The following AHI1 variants were observed in gnomAD, a reference collection of about 807,000 sequenced individuals.
The protein encoded by AHI1 is jouberin.
Under a neutral mutation model 149.3 loss-of-function variants are expected in AHI1, and 123 were observed. That is an observed-to-expected ratio of 0.82 (90% confidence interval 0.71 to 0.96). AHI1 has a LOEUF of 0.96. Among genes scored for constraint, AHI1 ranks in the 40% least tolerant of loss-of-function variants. The probability of loss-of-function intolerance (pLI) is 0.00; values close to 1 mark genes in which losing one functional copy is unlikely to be tolerated. For missense variants in AHI1, 1,439 were observed against 1,422.7 expected (o/e 1.01, Z -0.18); for synonymous variants, 475 against 459.8 (o/e 1.03, Z -0.42).
At chr6:135,285,725 C>T (rs900186828) in intron 28 of AHI1, 78 bp from the exon 29 acceptor site, 1 of 1,190,280 alleles carries the variant, frequency 8.4e-7, no homozygotes, top group Non-Finnish European at 1.2e-6. Flanking sequence ...TTAGTGTGCT[C>T]AGGCAACAGC....
intron 24 of AHI1, among the ~76,000 whole-genome samples, chr6:135,343,896 CT>C (rs1040448944): frequency 1.8e-4 from 28 of 151,982 alleles, no homozygotes; most frequent in African/African-American, 6.5e-4. Context: ...GTAAACTAAA[CT>C]TTATCAAAAT....
chr6:135,397,117 G>C (rs919628875), intron 22 of AHI1, among the ~76,000 whole-genome samples: 1 of 151,786 alleles, frequency 6.6e-6, no homozygotes, highest in Non-Finnish European at 1.5e-5. Flanking sequence ...AAAGTGATGA[G>C]AGCAGCAACG....
intron 23 of AHI1, among the ~76,000 whole-genome samples, chr6:135,388,475 C>T (rs1777939574): frequency 6.6e-6 from 1 of 152,136 alleles, no homozygotes; most frequent in African/African-American, 2.4e-5. Flanking sequence ...TAGATGTAAT[C>T]TACCTTCTAC....
chr6:135,302,054 T>C (rs1783942553), intron 26 of AHI1: 2 of 967,730 alleles, frequency 2.1e-6, no homozygotes, highest in Non-Finnish European at 1.2e-6. Context: ...TACAGTGGCA[T>C]GATCGTAGCT....
chr6:135,361,396 T>C (rs893590640), intron 23 of AHI1, among the ~76,000 whole-genome samples: 5 of 152,194 alleles, frequency 3.3e-5, no homozygotes, highest in African/African-American at 1.2e-4. Context: ...TTTTGTAGTG[T>C]AAGTCTGCTG....
intron 20 of AHI1, among the ~76,000 whole-genome samples, chr6:135,421,169 G>A (rs1783097304): frequency 6.6e-6 from 1 of 152,030 alleles, no homozygotes; most frequent in Non-Finnish European, 1.5e-5. Flanking sequence ...CAATTACAAT[G>A]TAACATCAAA....
intron 26 of AHI1, chr6:135,302,528 A>G (rs1264545206): frequency 9.7e-7 from 1 of 1,036,156 alleles, no homozygotes; most frequent in Non-Finnish European, 1.2e-6. Context: ...CATCTTTTCT[A>G]CTGTGTATTC....
At chr6:135,304,349 G>A (rs955173722) in intron 26 of AHI1, among the ~76,000 whole-genome samples, 3 of 152,126 alleles carry the variant, frequency 2.0e-5, no homozygotes, top group Admixed American at 6.5e-5. Flanking sequence ...CACTGGGCCC[G>A]GCCTGATTTC....
At chr6:135,301,744 A>C (rs1783904765) in intron 26 of AHI1, 1 of 985,322 alleles carries the variant, frequency 1.0e-6, no homozygotes, top group Admixed American at 6.1e-5. Context: ...AACCCATGAC[A>C]TCTTAATTTT....
At chr6:135,376,797 A>C (rs2128462742) in intron 23 of AHI1, among the ~76,000 whole-genome samples, 1 of 144,806 alleles carries the variant, frequency 6.9e-6, no homozygotes, top group Non-Finnish European at 1.5e-5. Context: ...CAGGAGAATC[A>C]CCTGAACCCG....
At position 135,429,937 on chromosome 6, in the gene AHI1, T is replaced by C; in HGVS notation, c.2437A>G (p.Lys813Glu). Reference sequence around the variant, plus strand: ...TCTTTGGTATGGATTAACAAACGTTTTCCATTGGGATGAATCTCCAAATAA... The same window carrying C: ...TCTTTGGTATGGATTAACAAACGTTCTCCATTGGGATGAATCTCCAAATAA... The part of the protein sequence containing the change: ...ISYLEIHPNG[K>E]RLLIHTKDST... The change falls in exon 18 of 29, where the codon AAA (lysine) becomes GAA (glutamate). Residue 813 changes from lysine to glutamate, a missense_variant. Coordinates refer to ENST00000265602, the MANE Select transcript of AHI1 (RefSeq NM_001134831.2). 6.3e-7 allele frequency: 1 copy of C among 1,592,282 alleles called. No individual in the cohort carries two copies. Among genetic ancestry groups the C allele is most frequent in the South Asian group, 1.2e-5 (1 of 86,514 alleles).
At chr6:135,324,957 T>C (rs1255932987) in intron 24 of AHI1, among the ~76,000 whole-genome samples, 3 of 152,216 alleles carry the variant, frequency 2.0e-5, no homozygotes, top group African/African-American at 7.2e-5. Flanking sequence ...CAATGCCTAT[T>C]GTACAGCTTA....
At position 135,318,633 on chromosome 6, in the gene AHI1, G is replaced by A; in HGVS notation, c.3329-17C>T. 1 of 1,539,956 alleles carries A rather than the reference G, an allele frequency of 6.5e-7. No homozygotes were observed. Among genetic ancestry groups the A allele is most frequent in the South Asian group, 1.2e-5 (1 of 83,112 alleles). ...GATACAGTGCTGAAATTGGAAAAAG[G>A]AATTCATGTAATCAAATTGAGGAGC... On this transcript the variant is annotated splice_polypyrimidine_tract_variant and intron_variant, in intron 25 of 28. Coordinates refer to ENST00000265602, the MANE Select transcript of AHI1 (RefSeq NM_001134831.2).
intron 5 of AHI1, among the ~76,000 whole-genome samples, chr6:135,472,226 C>T (rs1402190785): frequency 6.6e-6 from 1 of 152,094 alleles, no homozygotes; most frequent in East Asian, 1.9e-4. Context: ...TACTCAACCA[C>T]TGATCTGGTA....
intron 24 of AHI1, among the ~76,000 whole-genome samples, chr6:135,338,925 T>G (rs1582674902): frequency 1.3e-5 from 2 of 149,844 alleles, no homozygotes; most frequent in South Asian, 4.2e-4. Context: ...AGCTCATCTT[T>G]CCTTTTTTTT....
intron 15 of AHI1, among the ~76,000 whole-genome samples, chr6:135,437,238 A>G (rs1169763684): frequency 6.6e-6 from 1 of 152,200 alleles, no homozygotes; most frequent in Non-Finnish European, 1.5e-5. Context: ...TGCCAGAGGA[A>G]AAAGAAAAGG....
At chr6:135,348,004 T>C (rs778341148) in intron 24 of AHI1, among the ~76,000 whole-genome samples, 3 of 152,234 alleles carry the variant, frequency 2.0e-5, no homozygotes, top group Non-Finnish European at 4.4e-5. Context: ...TTTATGCATC[T>C]AGCTAATCTG....
intron 23 of AHI1, among the ~76,000 whole-genome samples, chr6:135,393,202 C>G (rs1484915642): frequency 6.6e-6 from 1 of 152,006 alleles, no homozygotes; most frequent in Non-Finnish European, 1.5e-5. Context: ...TTTAATTTGT[C>G]TCAGTGGTAA....
intron 5 of AHI1, among the ~76,000 whole-genome samples, chr6:135,487,277 C>T (rs1410345859): frequency 6.6e-6 from 1 of 151,984 alleles, no homozygotes; most frequent in East Asian, 1.9e-4. Flanking sequence ...ATTTCAAACT[C>T]TAGGATGAAA....
Sources: gnomAD v4.1 joint callset for allele counts (sites outside exome capture counted in the v4.1 genomes callset) on GRCh38, gnomAD v4.1.1 for gene constraint, MANE v1.5 for transcripts, NCBI Gene and HGNC (gene_info 2026-07-23, HGNC 2026-07-21) for gene names.